The following DLG2 variants were observed in gnomAD, a reference collection of about 807,000 sequenced individuals.
DLG2 encodes the protein discs large MAGUK scaffold protein 2.
In DLG2, 45 loss-of-function variants were observed where a neutral mutation model predicts 132.5. The observed-to-expected ratio is 0.34, with a 90% CI of 0.27 to 0.44. The LOEUF (loss-of-function observed/expected upper bound fraction) is 0.44. Ranked by LOEUF, DLG2 falls within the 20% of genes least tolerant of loss-of-function variation. The pLI is 1.00. For synonymous variants in DLG2, 424 were observed against 419.6 expected (o/e 1.01, Z -0.13); for missense variants, 1,045 against 1,196.9 (o/e 0.87, Z 1.87).
chr11:83,568,239 T>C (rs1284275044), intron 19 of DLG2, among the ~76,000 whole-genome samples: 1 of 152,090 alleles, frequency 6.6e-6, no homozygotes, highest in Non-Finnish European at 1.5e-5. Flanking sequence ...GTTAAGTGAA[T>C]TATTGAATGA....
chr11:84,786,975 G>T (rs1232416340), intron 6 of DLG2, among the ~76,000 whole-genome samples: 2 of 152,096 alleles, frequency 1.3e-5, no homozygotes, highest in Non-Finnish European at 2.9e-5. Flanking sequence ...AGAAACATTT[G>T]TAAAAATTCA....
At chr11:84,357,480 G>A (rs1185759345) in intron 7 of DLG2, among the ~76,000 whole-genome samples, 1 of 151,918 alleles carries the variant, frequency 6.6e-6, no homozygotes, top group African/African-American at 2.4e-5. Flanking sequence ...ACCTATCACA[G>A]TTTAATTTTA....
At chr11:85,068,629 C>T (rs981166753) in intron 6 of DLG2, among the ~76,000 whole-genome samples, 5 of 151,942 alleles carry the variant, frequency 3.3e-5, no homozygotes, top group African/African-American at 9.7e-5. Flanking sequence ...GAACTACAAA[C>T]CACTGCTCAA....
intron 3 of DLG2, among the ~76,000 whole-genome samples, chr11:85,483,444 C>T (rs2093346291): frequency 6.6e-6 from 1 of 152,114 alleles, no homozygotes; most frequent in Non-Finnish European, 1.5e-5. Flanking sequence ...GGGAGTTTAT[C>T]ACCAACAGCC....
At chr11:85,132,894 G>A (rs1164780760) in intron 5 of DLG2, 2 of 456,014 alleles carry the variant, frequency 4.4e-6, no homozygotes, top group Non-Finnish European at 8.8e-6. Flanking sequence ...GAAAGAAGCA[G>A]AGCTTGGATT....
chr11:84,960,729 T>C (rs958840555), intron 6 of DLG2, among the ~76,000 whole-genome samples: 4 of 152,192 alleles, frequency 2.6e-5, no homozygotes, highest in Non-Finnish European at 5.9e-5. Context: ...ACATAAGCTT[T>C]ATTTCTTCAT....
chr11:84,732,381 A>G (rs12287324), intron 6 of DLG2, among the ~76,000 whole-genome samples: 2,765 of 152,144 alleles, frequency 0.018, 59 homozygotes, highest in African/African-American at 0.043. Context: ...CATTCCCACC[A>G]GCAATGTATG....
intron 6 of DLG2, among the ~76,000 whole-genome samples, chr11:84,767,767 A>C (rs1019653666): frequency 6.6e-6 from 1 of 152,062 alleles, no homozygotes; most frequent in Admixed American, 6.6e-5. Context: ...TATCTGCATA[A>C]TAGCTGTACC....
At chr11:85,099,512 TC>T (rs1489858816) in intron 6 of DLG2, among the ~76,000 whole-genome samples, 1 of 152,206 alleles carries the variant, frequency 6.6e-6, no homozygotes, top group African/African-American at 2.4e-5. Flanking sequence ...TTTTAAAAAG[TC>T]TGTAATAATT....
rs186180859 is a variant in DLG2 at position 85,404,171 on chromosome 11, T to C, written c.41-118806A>G. 6.2e-4 allele frequency among the ~76,000 whole-genome samples: 94 copies of C among 151,986 alleles called. 2 individuals carry two copies. The highest frequency in any genetic ancestry group is 4.3e-3 in the East Asian group (22 of 5,122). On this transcript the variant is annotated intron_variant, in intron 3 of 27. Transcript: ENST00000376104. ...CGTTATGATACTAAGAAGACAGAAA[T>C]ACAAGTTTGAGCTCAGGAGAGAGAT... is the stretch of plus-strand genomic sequence containing the variant.
At chr11:84,854,792 T>G (rs2082568748) in intron 6 of DLG2, among the ~76,000 whole-genome samples, 1 of 151,964 alleles carries the variant, frequency 6.6e-6, no homozygotes, top group African/African-American at 2.4e-5. Flanking sequence ...ACCCATGAAT[T>G]GTGGACTGCT....
chr11:84,323,190 C>T (rs1229223370), intron 7 of DLG2, among the ~76,000 whole-genome samples: 1 of 152,098 alleles, frequency 6.6e-6, no homozygotes, highest in Non-Finnish European at 1.5e-5. Context: ...CATTGAACAA[C>T]AAAACCCCAT....
At chr11:85,385,485 A>G (rs2086249447) in intron 3 of DLG2, among the ~76,000 whole-genome samples, 1 of 152,230 alleles carries the variant, frequency 6.6e-6, no homozygotes, top group African/African-American at 2.4e-5. Context: ...GAAAAACACA[A>G]ATGAATTATT....
chr11:84,532,220 A>G lies in DLG2; in HGVS notation c.519+2350T>C, dbSNP rs2099344571. 6.8e-5 allele frequency among the ~76,000 whole-genome samples: 10 copies of G among 147,662 alleles called. No individual in the cohort carries two copies. The Admixed American group carries it at 6.9e-4, about 10-fold the overall frequency. ...TGGACTCTCCCTATTCCATTTTTGA[A>G]TCCCAGAAGTAACACAAGGAATCTC... On this transcript the variant is annotated intron_variant, in intron 7 of 27. Coordinates refer to ENST00000376104, the MANE Select transcript of DLG2 (RefSeq NM_001142699.3).
chr11:84,459,595 T>A (rs2099074818), intron 7 of DLG2, among the ~76,000 whole-genome samples: 1 of 150,676 alleles, frequency 6.6e-6, no homozygotes, highest in South Asian at 2.1e-4. Flanking sequence ...GGCTGCCCCA[T>A]AATTTTGCCA....
chr11:84,481,553 C>A (rs2099137762), intron 7 of DLG2, among the ~76,000 whole-genome samples: 1 of 152,112 alleles, frequency 6.6e-6, no homozygotes, highest in Non-Finnish European at 1.5e-5. Context: ...CATATAATTA[C>A]CCAGTGGATG....
At chr11:85,494,390 T>C (rs1289094581) in intron 3 of DLG2, among the ~76,000 whole-genome samples, 1 of 152,204 alleles carries the variant, frequency 6.6e-6, no homozygotes, top group Non-Finnish European at 1.5e-5. Flanking sequence ...TGTCTAGTTA[T>C]ATATTTACAG....
intron 6 of DLG2, among the ~76,000 whole-genome samples, chr11:84,841,045 A>G (rs1342040288): frequency 6.6e-6 from 1 of 151,588 alleles, no homozygotes; most frequent in Non-Finnish European, 1.5e-5. Context: ...GGGGGGATAA[A>G]CTCTTCATTT....
chr11:84,458,666 C>T (rs1425222762), intron 7 of DLG2, among the ~76,000 whole-genome samples: 1 of 150,542 alleles, frequency 6.6e-6, no homozygotes, highest in Non-Finnish European at 1.5e-5. Flanking sequence ...CTATTTTAAA[C>T]ATAGTATTTT....
Sources: allele counts gnomAD v4.1 joint callset (sites outside exome capture counted in the v4.1 genomes callset), GRCh38; gene constraint gnomAD v4.1.1; transcripts MANE v1.5; gene names NCBI Gene and HGNC (gene_info 2026-07-23, HGNC 2026-07-21).